The following HACD3 variants were observed in gnomAD, a reference collection of about 807,000 sequenced individuals.
The protein encoded by HACD3 is 3-hydroxyacyl-CoA dehydratase 3, also known as very-long-chain (3R)-3-hydroxyacyl-CoA dehydratase 3.
A neutral mutation model predicts 55.2 loss-of-function variants in HACD3; 30 were observed. The observed-to-expected ratio is 0.54, with a 90% CI of 0.41 to 0.74. HACD3 has a LOEUF of 0.74. Among genes scored for constraint, HACD3 ranks in the 30% least tolerant of loss-of-function variants. HACD3 has a pLI of 0.00. For synonymous variants in HACD3, 141 were observed against 151.7 expected (o/e 0.93, Z 0.52); for missense variants, 363 against 440.1 (o/e 0.82, Z 1.57).
intron 1 of HACD3, among the ~76,000 whole-genome samples, chr15:65,543,791 G>C (rs2072045266): frequency 6.6e-6 from 1 of 152,222 alleles, no homozygotes; most frequent in African/African-American, 2.4e-5. Flanking sequence ...GACTTGATTT[G>C]AAGGGATTTC....
At chr15:65,549,100 G>C (rs774247067) in intron 1 of HACD3, among the ~76,000 whole-genome samples, 1 of 151,804 alleles carries the variant, frequency 6.6e-6, no homozygotes, top group Non-Finnish European at 1.5e-5. Flanking sequence ...TGTAGATTGA[G>C]CTTTCTAATA....
intron 9 of HACD3, 41 bp from the exon 10 acceptor site, chr15:65,572,194 T>TG: frequency 6.2e-7 from 1 of 1,605,312 alleles, no homozygotes; most frequent in East Asian, 2.2e-5. Context: ...TAAATGTGAC[T>TG]GTTTCATTTG....
At chr15:65,530,960 C>T in intron 1 of HACD3, 1 of 486,470 alleles carries the variant, frequency 2.1e-6, no homozygotes, top group Non-Finnish European at 3.6e-6. Flanking sequence ...CGGCCTGGGC[C>T]TCTCAGGCTA....
chr15:65,574,713 A>G (rs2072384097), intron 10 of HACD3, among the ~76,000 whole-genome samples: 1 of 151,876 alleles, frequency 6.6e-6, no homozygotes, highest in African/African-American at 2.4e-5. Flanking sequence ...AAAGGTTAAA[A>G]TTTCTTTCTT....
chr15:65,533,968 G>T (rs181982881), intron 1 of HACD3, among the ~76,000 whole-genome samples: 1 of 151,510 alleles, frequency 6.6e-6, no homozygotes, highest in Non-Finnish European at 1.5e-5. Context: ...GGAGAATGGC[G>T]TGAACCCGGG....
At chr15:65,549,854 A>G (rs766987573) in intron 1 of HACD3, among the ~76,000 whole-genome samples, 3 of 152,172 alleles carry the variant, frequency 2.0e-5, no homozygotes, top group Non-Finnish European at 4.4e-5. Context: ...AATTCACACA[A>G]TTTAGGAGAA....
intron 3 of HACD3, 25 bp from the exon 4 acceptor site, chr15:65,556,714 C>G (rs748724291): frequency 1.9e-6 from 3 of 1,582,358 alleles, no homozygotes; most frequent in South Asian, 2.3e-5. Context: ...AGAGGGCATT[C>G]TCACATTTTC....
chr15:65,539,775 A>G (rs939632018), intron 1 of HACD3, among the ~76,000 whole-genome samples: 1 of 152,248 alleles, frequency 6.6e-6, no homozygotes, highest in African/African-American at 2.4e-5. Flanking sequence ...TACAACAGCT[A>G]CAATGAATGA....
chr15:65,549,880 T>C lies in HACD3; in HGVS notation c.88-1796T>C, dbSNP rs2072115607. On this transcript the variant is annotated intron_variant, in intron 1 of 10. Coordinates refer to ENST00000261875, the MANE Select transcript of HACD3 (RefSeq NM_016395.4). ...TTTAGGAGAACCAAAACTCTAAACT[T>C]GAGAACCCTCAAGCCATGCATTTAG... is the stretch of plus-strand genomic sequence containing the variant. Among the ~76,000 whole-genome samples the C allele has an allele frequency of 2.6e-5, 4 of 152,292 alleles. No homozygotes were observed. In the South Asian group the frequency reaches 8.3e-4, roughly 32 times the overall value.
chr15:65,550,072 G>A (rs1464431237), intron 1 of HACD3, among the ~76,000 whole-genome samples: 1 of 152,172 alleles, frequency 6.6e-6, no homozygotes, highest in Non-Finnish European at 1.5e-5. Context: ...CAGTTTACCA[G>A]GAAGATACAA....
chr15:65,571,734 G>A (rs574203706), intron 9 of HACD3, 80 bp downstream of exon 9: 38 of 1,082,248 alleles, frequency 3.5e-5, no homozygotes, highest in South Asian at 8.7e-5. Context: ...TTTCTTCCCC[G>A]GCCTTAGTCC....
Position 65,551,701 on chromosome 15 carries a change from A to C in HACD3, c.113A>C (p.Asn38Thr). Residue 38 changes from asparagine to threonine, a missense_variant, in exon 2 of 11, where the codon AAC becomes ACC. Physicochemically the swap from Asn to Thr is moderately conservative, Grantham distance 65. Coordinates refer to ENST00000261875, the MANE Select transcript of HACD3 (RefSeq NM_016395.4). ...AACCCTGCCATCAGCATCACTGAAA[A>C]CGTGCTGCATTTCAAAGGTCAGTAT... Reference protein sequence around the residue: ...VQNPAISITENVLHFKAQGHG... With the variant: ...VQNPAISITETVLHFKAQGHG... The C allele has an allele frequency of 6.2e-7, 1 of 1,613,948 alleles. No homozygotes were observed. Among genetic ancestry groups the C allele is most frequent in the Non-Finnish European group, 8.5e-7 (1 of 1,179,878 alleles).
At chr15:65,570,049 T>A in intron 7 of HACD3, 42 bp from the exon 8 acceptor site, 1 of 1,303,322 alleles carries the variant, frequency 7.7e-7, no homozygotes, top group Non-Finnish European at 1.1e-6. Context: ...ACTTTACATA[T>A]ATTTTATTAA....
chr15:65,552,022 G>A (rs747204374), intron 2 of HACD3: 12 of 294,450 alleles, frequency 4.1e-5, no homozygotes, highest in Non-Finnish European at 7.7e-5. Flanking sequence ...TCTTGGACAA[G>A]TTATTGACTT....
At position 65,577,695 on chromosome 15, in the gene HACD3, C is replaced by T. The variant is rs2072421438; in HGVS notation, c.*1316C>T. 1.3e-5 allele frequency: 2 copies of T among 152,198 alleles called. No individual in the cohort carries two copies. The highest frequency in any genetic ancestry group is 6.5e-5 in the Admixed American group (1 of 15,276). 9.4% of individuals were successfully genotyped at this position (152,198 alleles called of 1,614,324 possible). On this transcript the variant is annotated 3_prime_UTR_variant, in exon 11 of 11. Transcript: ENST00000261875. Reference sequence around the variant, plus strand: ...TGTTCTAGTGAGTGGTGGGACTGTACATTTTTGAATAGACCTCAAAAATAC... The same window carrying T: ...TGTTCTAGTGAGTGGTGGGACTGTATATTTTTGAATAGACCTCAAAAATAC...
At chr15:65,559,355 G>A (rs571841365) in intron 5 of HACD3, among the ~76,000 whole-genome samples, 8 of 152,092 alleles carry the variant, frequency 5.3e-5, no homozygotes, top group South Asian at 2.1e-4. Flanking sequence ...CCATCGTAGC[G>A]CCTATACTCA....
rs2072431136 is a variant in HACD3 at position 65,578,289 on chromosome 15, T to C, written c.*1910T>C. Reference sequence around the variant, plus strand: ...ATTCTTAGTGATTGTTACAAACCCCTTTATTGCTGTCTGAGAAAGTGAAAG... The same window carrying C: ...ATTCTTAGTGATTGTTACAAACCCCCTTATTGCTGTCTGAGAAAGTGAAAG... On this transcript the variant is annotated 3_prime_UTR_variant, in exon 11 of 11. Coordinates refer to ENST00000261875, the MANE Select transcript of HACD3 (RefSeq NM_016395.4). The C allele has an allele frequency of 6.6e-6, 1 of 152,218 alleles. No homozygotes were observed. The highest frequency in any genetic ancestry group is 6.5e-5 in the Admixed American group (1 of 15,284). The allele number at this position is 152,218 out of a possible 1,614,324, so 9.4% of individuals were successfully genotyped here.
At chr15:65,552,688 A>T (rs1419856143) in intron 2 of HACD3, among the ~76,000 whole-genome samples, 79 of 148,146 alleles carry the variant, frequency 5.3e-4, no homozygotes, top group African/African-American at 1.3e-3. Flanking sequence ...TTTTTTTTTT[A>T]AATTTATTAT....
chr15:65,545,493 C>T (rs1236261706), intron 1 of HACD3, among the ~76,000 whole-genome samples: 8 of 148,406 alleles, frequency 5.4e-5, no homozygotes, highest in East Asian at 2.0e-4. Context: ...CTCGCTCTGT[C>T]GCCCAGGCTG....
Sources: allele counts gnomAD v4.1 joint callset (sites outside exome capture counted in the v4.1 genomes callset), GRCh38; gene constraint gnomAD v4.1.1; transcripts MANE v1.5; gene names NCBI Gene and HGNC (gene_info 2026-07-23, HGNC 2026-07-21).